Variants in SMOC2 observed in about 807,000 individuals in gnomAD.
SMOC2 encodes SPARC-related modular calcium-binding protein 2.
Under a neutral mutation model 61.4 loss-of-function variants are expected in SMOC2, and 39 were observed. The observed-to-expected ratio is 0.64, with a 90% confidence interval of 0.49 to 0.83. The LOEUF is 0.83. SMOC2 is among the 40% of genes least tolerant of loss of function. The pLI, the probability that SMOC2 is intolerant of heterozygous loss-of-function variation, is 0.00. For synonymous variants in SMOC2, 247 were observed against 239.9 expected, an observed-to-expected ratio of 1.03 and a Z score of -0.27; for missense variants, 556 against 592.9, an observed-to-expected ratio of 0.94 and a Z score of 0.65.
intron 7 of SMOC2, among the ~76,000 whole-genome samples, chr6:168,571,467 T>C (rs1354448742): frequency 1.3e-5 from 2 of 152,190 alleles, no homozygotes; most frequent in Non-Finnish European, 2.9e-5. Context: ...ACAGGGATCC[T>C]GAACGTGTCT....
intron 3 of SMOC2, 48 bp downstream of exon 3, chr6:168,526,500 G>A (rs903941677): frequency 6.6e-7 from 1 of 1,508,436 alleles, no homozygotes; most frequent in Admixed American, 1.7e-5. Flanking sequence ...ATTAGGGAGG[G>A]AGATGTGGAG....
At chr6:168,603,700 A>G (rs1213627880) in intron 8 of SMOC2, among the ~76,000 whole-genome samples, 1 of 126,184 alleles carries the variant, frequency 7.9e-6, no homozygotes, top group Non-Finnish European at 1.8e-5. Context: ...ATAATGTCAA[A>G]TGCTCTGGAG....
rs1267602829 is a variant in SMOC2 at position 168,636,878 on chromosome 6, GCCTCCCTCCTCCCA to G, written c.908-13792_908-13779del. Among the ~76,000 whole-genome samples, 79 of 49,132 alleles carry G rather than the reference GCCTCCCTCCTCCCA, an allele frequency of 1.6e-3. 3 individuals are homozygous for G. In the East Asian group the frequency reaches 0.02, roughly 12 times the overall value. The allele number at this position is 49,132 out of a possible 152,430, so 32.2% of individuals were successfully genotyped here. A position where few individuals can be genotyped will look rare whatever the true frequency, so the allele number is the denominator to read the frequency against. ...TCCCTCCTCCCGCCTCCCTCCTCCC[GCCTCCCTCCTCCCA>G]CCTCCCTCCTGCCCGCATCCCTCCT... On this transcript the variant is annotated intron_variant, in intron 9 of 12. Coordinates refer to ENST00000356284, the MANE Select transcript of SMOC2 (RefSeq NM_001166412.2).
At chr6:168,596,670 A>G (rs1023118681) in intron 7 of SMOC2, among the ~76,000 whole-genome samples, 2 of 152,280 alleles carry the variant, frequency 1.3e-5, no homozygotes, top group Non-Finnish European at 2.9e-5. Flanking sequence ...AACATTTCGC[A>G]CAACCCCTGC....
chr6:168,656,834 G>A (rs181387473), intron 11 of SMOC2, among the ~76,000 whole-genome samples: 138 of 152,348 alleles, frequency 9.1e-4, no homozygotes, highest in African/African-American at 3.2e-3. Flanking sequence ...GGTCTTTGTG[G>A]TTAATGCACG....
chr6:168,493,561 C>T (rs1403786572), intron 1 of SMOC2, among the ~76,000 whole-genome samples: 1 of 152,112 alleles, frequency 6.6e-6, no homozygotes, highest in East Asian at 1.9e-4. Context: ...AAATGATGTT[C>T]AAAGTACAAA....
At chr6:168,507,597 G>T (rs540553685) in intron 1 of SMOC2, among the ~76,000 whole-genome samples, 80 of 152,296 alleles carry the variant, frequency 5.3e-4, no homozygotes, top group African/African-American at 1.9e-3. Flanking sequence ...CCCCCGGGGC[G>T]CCCCCCACTG....
At chr6:168,454,261 C>T (rs551008654) in intron 1 of SMOC2, among the ~76,000 whole-genome samples, 2 of 152,226 alleles carry the variant, frequency 1.3e-5, no homozygotes, top group Non-Finnish European at 2.9e-5. Flanking sequence ...TGAGGAGGCC[C>T]AAGGGCTCTG....
At position 168,441,233 on chromosome 6, in the gene SMOC2, GC is replaced by G; in HGVS notation, c.-136del. The G allele has an allele frequency of 7.7e-7, 1 of 1,296,392 alleles. No individual in the cohort carries two copies. Among genetic ancestry groups the G allele is most frequent in the Non-Finnish European group, 9.8e-7 (1 of 1,015,854 alleles). The allele number at this position is 1,296,392 out of a possible 1,614,324, so 80.3% of individuals were successfully genotyped here. ...GCAGGGGAGCTGCTCCAGCCGGGCC[GC>G]CGGGAGCGGTGGGGAGAGCATCGCG... On this transcript the variant is annotated 5_prime_UTR_variant, in exon 1 of 13. Transcript: ENST00000356284.
chr6:168,634,570 G>T (rs1356726899), intron 9 of SMOC2, among the ~76,000 whole-genome samples: 1 of 152,204 alleles, frequency 6.6e-6, no homozygotes, highest in Non-Finnish European at 1.5e-5. Flanking sequence ...AAAAGTTCAT[G>T]GTCCTGAGAG....
At chr6:168,499,943 A>C (rs1451929877) in intron 1 of SMOC2, among the ~76,000 whole-genome samples, 1 of 152,236 alleles carries the variant, frequency 6.6e-6, no homozygotes, top group South Asian at 2.1e-4. Context: ...CTAATGCAGT[A>C]AAGTGTTTAG....
intron 1 of SMOC2, among the ~76,000 whole-genome samples, chr6:168,443,803 A>G (rs1001568033): frequency 1.3e-5 from 2 of 152,216 alleles, no homozygotes; most frequent in African/African-American, 4.8e-5. Flanking sequence ...AAGAGGCAGT[A>G]TCAGTCCATG....
chr6:168,596,868 A>C (rs1785347331), intron 7 of SMOC2, among the ~76,000 whole-genome samples: 1 of 152,242 alleles, frequency 6.6e-6, no homozygotes, highest in African/African-American at 2.4e-5. Context: ...TGGAGCCCAC[A>C]CAGAACTTAT....
chr6:168,608,281 A>C, intron 9 of SMOC2, 42 bp downstream of exon 9: 1 of 1,584,648 alleles, frequency 6.3e-7, no homozygotes, highest in African/African-American at 1.3e-5. Context: ...CACAGGCCCC[A>C]CCATGCAGTT....
At chr6:168,477,628 A>C in intron 1 of SMOC2, among the ~76,000 whole-genome samples, 1 of 152,164 alleles carries the variant, frequency 6.6e-6, no homozygotes, top group East Asian at 1.9e-4. Flanking sequence ...GTGATGAAGC[A>C]GGGTTGTTTC....
intron 9 of SMOC2, among the ~76,000 whole-genome samples, chr6:168,648,069 C>CAAAA (rs112914297): frequency 6.6e-6 from 1 of 151,680 alleles, no homozygotes; most frequent in Non-Finnish European, 1.5e-5. Context: ...AATTAACAGC[C>CAAAA]AAAAAAAATC....
At position 168,648,035 on chromosome 6, in the gene SMOC2, A is replaced by T. The variant is rs1169006437; in HGVS notation, c.908-2646A>T. On this transcript the variant is annotated intron_variant, in intron 9 of 12. Transcript: ENST00000356284. Reference sequence around the variant, plus strand: ...CTCATTTGAAATATTGTGTTGCTTTATCTCATTTGGGGGAATATGATTAAA... The same window carrying T: ...CTCATTTGAAATATTGTGTTGCTTTTTCTCATTTGGGGGAATATGATTAAA... Among the ~76,000 whole-genome samples, 3 of 151,482 alleles carry T rather than the reference A, an allele frequency of 2.0e-5. No homozygotes were observed. In the East Asian group the frequency reaches 5.8e-4, roughly 29 times the overall value.
chr6:168,442,923 C>G (rs1781249763), intron 1 of SMOC2, among the ~76,000 whole-genome samples: 3 of 152,190 alleles, frequency 2.0e-5, no homozygotes, highest in Admixed American at 2.0e-4. Flanking sequence ...CTTTATCTCC[C>G]CAGAGGGGGC....
chr6:168,576,810 C>T (rs1380281281), intron 7 of SMOC2, among the ~76,000 whole-genome samples: 2 of 151,926 alleles, frequency 1.3e-5, no homozygotes, highest in African/African-American at 2.4e-5. Flanking sequence ...GACTCATCGT[C>T]GATGTGAACA....
Sources: allele counts gnomAD v4.1 joint callset (sites outside exome capture counted in the v4.1 genomes callset), GRCh38; gene constraint gnomAD v4.1.1; transcripts MANE v1.5; gene names NCBI Gene and HGNC (gene_info 2026-07-23, HGNC 2026-07-21).